Variants in XPOT observed in about 807,000 individuals in gnomAD.
XPOT encodes exportin-T.
In XPOT, 34 loss-of-function variants were observed where a neutral mutation model predicts 128.2. The ratio of observed to expected loss-of-function variants is 0.27; its 90% CI spans 0.20 to 0.35. The LOEUF (loss-of-function observed/expected upper bound fraction) is 0.35, where lower values mean the gene tolerates loss of function less well. XPOT is among the 10% of genes least tolerant of loss of function. The pLI is 1.00. For synonymous variants in XPOT, 348 were observed against 394.3 expected (o/e 0.88, Z 1.39); for missense variants, 838 against 1,125.3 (o/e 0.74, Z 3.65).
Position 64,435,690 on chromosome 12 carries a change from C to A in XPOT, c.2733+16C>A. 1 of 1,590,500 alleles carries A rather than the reference C, an allele frequency of 6.3e-7. No homozygotes were observed. Among genetic ancestry groups the A allele is most frequent in the Non-Finnish European group, 8.6e-7 (1 of 1,166,106 alleles). On this transcript the variant is annotated intron_variant, in intron 22 of 24. Coordinates refer to ENST00000332707, the MANE Select transcript of XPOT (RefSeq NM_007235.6). ...TCTCAAACGGGTAAGCCTTTTAGTC[C>A]ATGCCCCTTCATTTTCATCTCACAT... is the stretch of plus-strand genomic sequence containing the variant.
At position 64,422,919 on chromosome 12, in the gene XPOT, AC is replaced by A; in HGVS notation, c.1081-84del. On this transcript the variant is annotated intron_variant, in intron 9 of 24. Coordinates refer to ENST00000332707, the MANE Select transcript of XPOT (RefSeq NM_007235.6). ...CCTTGTCTCAAAAAAAAAAAAAAAA[AC>A]CAGGTCTTAATTGATTCGAAAAATG... is the stretch of plus-strand genomic sequence containing the variant. The A allele has an allele frequency of 3.3e-5, 45 of 1,343,614 alleles. No homozygotes were observed. In the South Asian group the frequency reaches 5.0e-4, roughly 15 times the overall value. 83.2% of individuals were successfully genotyped at this position (1,343,614 alleles called of 1,614,324 possible).
intron 8 of XPOT, 62 bp downstream of exon 8, chr12:64,420,583 A>G (rs1592329289): frequency 1.6e-6 from 2 of 1,259,154 alleles, no homozygotes; most frequent in African/African-American, 1.5e-5. Flanking sequence ...GATAGGTACT[A>G]AGTTAAATAT....
chr12:64,415,086 A>G (rs1286868769), intron 3 of XPOT, 97 bp downstream of exon 3: 1 of 785,284 alleles, frequency 1.3e-6, no homozygotes, highest in African/African-American at 1.8e-5. Context: ...TCATAAAAAC[A>G]TTTTATGACT....
chr12:64,416,323 C>G (rs75686186), intron 3 of XPOT, among the ~76,000 whole-genome samples: 3,716 of 152,290 alleles, frequency 0.024, 177 homozygotes, highest in African/African-American at 0.085. Flanking sequence ...CAGACTCTGT[C>G]TGTTCTGCCA....
rs553223037 is a variant in XPOT at position 64,448,802 on chromosome 12, A to G, written c.*671A>G. ...TATGAGTGTGTGGATGCTTTAATTC[A>G]TTTAACCTCACTCCTCAAAGGTAAC... On this transcript the variant is annotated 3_prime_UTR_variant, in exon 25 of 25. Transcript: ENST00000332707. The G allele has an allele frequency of 6.6e-6, 1 of 152,318 alleles. No individual in the cohort carries two copies. The highest frequency in any genetic ancestry group is 2.1e-4 in the South Asian group (1 of 4,830). The allele number at this position is 152,318 out of a possible 1,614,324, so 9.4% of individuals were successfully genotyped here. A position where few individuals can be genotyped will look rare whatever the true frequency, so the allele number is the denominator to read the frequency against.
At chr12:64,445,006 G>T in intron 23 of XPOT, 69 bp from the exon 24 acceptor site, 3 of 1,290,432 alleles carry the variant, frequency 2.3e-6, no homozygotes, top group Non-Finnish European at 1.1e-6. Flanking sequence ...AAAAAAACTG[G>T]ATACGAATTA....
chr12:64,445,180 G>C, intron 24 of XPOT, 49 bp downstream of exon 24: 6 of 1,382,570 alleles, frequency 4.3e-6, no homozygotes, highest in Non-Finnish European at 6.1e-6. Context: ...GGTAATGTTT[G>C]AGAGCCAAGA....
chr12:64,420,884 T>G (rs1385380753), intron 8 of XPOT, among the ~76,000 whole-genome samples: 3 of 152,172 alleles, frequency 2.0e-5, no homozygotes, highest in Non-Finnish European at 4.4e-5. Flanking sequence ...CACTGCAACC[T>G]CCGTCTCCCG....
At chr12:64,424,567 T>G in intron 11 of XPOT, 32 bp from the exon 12 acceptor site, 3 of 1,609,376 alleles carry the variant, frequency 1.9e-6, no homozygotes, top group Non-Finnish European at 2.5e-6. Context: ...ACCCATAAGT[T>G]TTTTGAATGA....
In XPOT at chr12:64,433,717, A is replaced by G. The variant is rs73313854; in HGVS notation, c.2452+114A>G. Reference sequence around the variant, plus strand: ...CAGAAATTTTGAAGTTTGCTATCCCATGGGAAGACAGTTTATTGTTTTCAG... The same window carrying G: ...CAGAAATTTTGAAGTTTGCTATCCCGTGGGAAGACAGTTTATTGTTTTCAG... On this transcript the variant is annotated intron_variant, in intron 19 of 24. Transcript: ENST00000332707. 604 of 982,230 alleles carry G rather than the reference A, an allele frequency of 6.1e-4. 1 individual carries two copies. The African/African-American group carries it at 9.4e-3, about 15-fold the overall frequency. 60.8% of individuals were successfully genotyped at this position (982,230 alleles called of 1,614,324 possible).
In XPOT at chr12:64,406,316, C is replaced by T. The variant is rs189403130; in HGVS notation, c.-75+1512C>T. On this transcript the variant is annotated intron_variant, in intron 1 of 24. Coordinates refer to ENST00000332707, the MANE Select transcript of XPOT (RefSeq NM_007235.6). ...GTCTCGAACTCCTGACCTCGTGATCCGCCCACCTCGGCCTCCCAAAATGCT... is the reference window on the plus strand; with the variant it reads ...GTCTCGAACTCCTGACCTCGTGATCTGCCCACCTCGGCCTCCCAAAATGCT... 2.8e-3 allele frequency among the ~76,000 whole-genome samples: 425 copies of T among 150,654 alleles called. 1 individual carries two copies. Among genetic ancestry groups the T allele is most frequent in the African/African-American group, 1.0e-2 (409 of 41,024 alleles).
chr12:64,408,782 T>G (rs2040007431), intron 1 of XPOT, among the ~76,000 whole-genome samples: 1 of 152,154 alleles, frequency 6.6e-6, no homozygotes, highest in South Asian at 2.1e-4. Flanking sequence ...CAAGCGATTC[T>G]TGTGCCTCAG....
At chr12:64,408,564 A>T (rs1349957991) in intron 1 of XPOT, among the ~76,000 whole-genome samples, 1 of 152,168 alleles carries the variant, frequency 6.6e-6, no homozygotes, top group Admixed American at 6.5e-5. Context: ...GCAGCTTATT[A>T]TTTGAGAATG....
chr12:64,415,097 T>C, intron 3 of XPOT, 108 bp downstream of exon 3: 1 of 512,030 alleles, frequency 2.0e-6, no homozygotes, highest in Non-Finnish European at 3.3e-6. Context: ...TTTTATGACT[T>C]TTTTTTTTTT....
chr12:64,420,191 A>C lies in XPOT; in HGVS notation c.611A>C (p.Gln204Pro). ...YQFTNSEVTC[Q>P]CLEVVGAYVS... ...TTTACTAATTCTGAAGTGACGTGTC[A>C]GTGCCTTGAAGTAGTTGGGGCTTAT... Residue 204 changes from glutamine to proline, a missense_variant, in exon 7 of 25, where the codon CAG becomes CCG. Physicochemically the swap from Gln to Pro is moderately conservative, Grantham distance 76. Transcript: ENST00000332707. 2 of 1,612,070 alleles carry C rather than the reference A, an allele frequency of 1.2e-6. No individual in the cohort carries two copies. The highest frequency in any genetic ancestry group is 1.7e-6 in the Non-Finnish European group (2 of 1,179,350).
chr12:64,444,817 T>A (rs1428166613), intron 23 of XPOT, among the ~76,000 whole-genome samples: 2 of 151,868 alleles, frequency 1.3e-5, no homozygotes, highest in South Asian at 2.1e-4. Context: ...ACAGCTTTTT[T>A]AAAAAAAGAG....
At chr12:64,429,444 CTT>C (rs34238513) in intron 16 of XPOT, among the ~76,000 whole-genome samples, 15 of 143,656 alleles carry the variant, frequency 1.0e-4, no homozygotes, top group Admixed American at 1.4e-4. Context: ...CACTCTAGTA[CTT>C]TTTTTTTTTT....
intron 17 of XPOT, 115 bp from the exon 18 acceptor site, chr12:64,431,422 AG>A (rs1173479143): frequency 3.0e-6 from 3 of 991,734 alleles, no homozygotes; most frequent in Non-Finnish European, 4.5e-6. Flanking sequence ...TGGAAAATAA[AG>A]GTCTGGTTAT....
At position 64,421,377 on chromosome 12, in the gene XPOT, T is replaced by G. The variant is rs1472411077; in HGVS notation, c.986T>G (p.Val329Gly). Residue 329 changes from valine (V) to glycine (G), a missense_variant, in exon 9 of 25, where the codon GTG (valine) becomes GGG (glycine). This residue lies in a region of XPOT where 761 missense variants were observed against 988.3 expected (regional missense o/e 0.77). Transcript: ENST00000332707. The part of the protein sequence containing the change: ...QEALQAIETK[V>G]ALMLQLLIHE... ...GCACTACAAGCTATTGAAACAAAAG[T>G]GGCACTGATGTTGCAGCTACTAATT... The G allele has an allele frequency of 6.2e-7, 1 of 1,613,950 alleles. No individual in the cohort carries two copies. The highest frequency in any genetic ancestry group is 8.5e-7 in the Non-Finnish European group (1 of 1,179,968).
Sources: gnomAD v4.1 joint callset for allele counts (sites outside exome capture counted in the v4.1 genomes callset) on GRCh38, gnomAD v4.1.1 for gene constraint, gnomAD v4.1.1 regional missense constraint, MANE v1.5 for transcripts, NCBI Gene and HGNC (gene_info 2026-07-23, HGNC 2026-07-21) for gene names.